Variants in AGPS observed in about 807,000 individuals in gnomAD.
AGPS encodes the protein alkyldihydroxyacetonephosphate synthase, peroxisomal.
Under a neutral mutation model 90.7 loss-of-function variants are expected in AGPS, and 26 were observed. The observed-to-expected ratio is 0.29, with a 90% confidence interval of 0.21 to 0.40. The LOEUF (loss-of-function observed/expected upper bound fraction) is 0.40. Ranked by LOEUF, AGPS falls within the 10% of genes least tolerant of loss-of-function variation. The probability of loss-of-function intolerance (pLI) is 1.00; values close to 1 mark genes in which losing one functional copy is unlikely to be tolerated. For missense variants in AGPS, 540 were observed against 816.1 expected, an observed-to-expected ratio of 0.66 and a Z score of 4.12; for synonymous variants, 294 against 285.3, an observed-to-expected ratio of 1.03 and a Z score of -0.31.
chr2:177,465,753 A>G (rs555523499), intron 9 of AGPS, among the ~76,000 whole-genome samples: 67 of 152,334 alleles, frequency 4.4e-4, no homozygotes, highest in African/African-American at 1.6e-3. Context: ...AGAGCCCCAA[A>G]GAGTGAGCCA....
intron 12 of AGPS, among the ~76,000 whole-genome samples, chr2:177,495,906 A>T (rs189296740): frequency 1.7e-5 from 2 of 114,664 alleles, no homozygotes; most frequent in Non-Finnish European, 3.5e-5. Context: ...TGACACAGTG[A>T]GACTCTGTCT....
chr2:177,515,692 T>C (rs1689004715), intron 17 of AGPS, among the ~76,000 whole-genome samples: 2 of 152,176 alleles, frequency 1.3e-5, no homozygotes, highest in African/African-American at 4.8e-5. Flanking sequence ...TAAGTAGAAT[T>C]AGTATATTTA....
intron 17 of AGPS, 58 bp from the exon 18 acceptor site, chr2:177,521,211 T>G (rs533701148): frequency 1.4e-6 from 2 of 1,406,406 alleles, no homozygotes; most frequent in Admixed American, 3.4e-5. Context: ...AGTTTCTAGA[T>G]GTTAAATCTG....
chr2:177,529,376 G>A (rs889944150), intron 19 of AGPS, among the ~76,000 whole-genome samples: 3 of 151,798 alleles, frequency 2.0e-5, no homozygotes, highest in Admixed American at 6.6e-5. Flanking sequence ...AAGCTGGGGC[G>A]GGAAGATGGC....
chr2:177,436,425 C>G (rs1219555041), intron 3 of AGPS, among the ~76,000 whole-genome samples: 1 of 152,124 alleles, frequency 6.6e-6, no homozygotes, highest in African/African-American at 2.4e-5. Flanking sequence ...GCTGGGATTA[C>G]AGGCGTGAGC....
rs773623763 is a variant in AGPS at position 177,392,831 on chromosome 2, C to A, written c.42C>A (p.Gly14=). The A allele has an allele frequency of 1.9e-6, 3 of 1,544,866 alleles. No homozygotes were observed. The highest frequency in any genetic ancestry group is 2.6e-6 in the Non-Finnish European group (3 of 1,152,498). ...CTGCAGCGGGTGGGACTGGCTTGGG[C>A]GCGGGCGCGAGCTACGGGTCTGCAG... is the stretch of plus-strand genomic sequence containing the variant. The part of the protein sequence containing the change: ...AAAAAGGTGL[G]AGASYGSAAD... Residue 14 remains glycine, a synonymous_variant, in exon 1 of 20, where the codon GGC becomes GGA. Coordinates refer to ENST00000264167, the MANE Select transcript of AGPS (RefSeq NM_003659.4).
At chr2:177,529,434 C>T (rs2079117796) in intron 19 of AGPS, among the ~76,000 whole-genome samples, 1 of 151,984 alleles carries the variant, frequency 6.6e-6, no homozygotes, top group South Asian at 2.1e-4. Context: ...CGCACCACTG[C>T]ACTCCAGCAT....
At chr2:177,523,195 C>G (rs1363214447) in intron 18 of AGPS, among the ~76,000 whole-genome samples, 1 of 152,120 alleles carries the variant, frequency 6.6e-6, no homozygotes, top group Admixed American at 6.6e-5. Context: ...AATAAAGACT[C>G]TAATAGCTTT....
At chr2:177,409,943 A>G (rs558083994) in intron 1 of AGPS, among the ~76,000 whole-genome samples, 1 of 152,352 alleles carries the variant, frequency 6.6e-6, no homozygotes, top group South Asian at 2.1e-4. Context: ...AGTTTTTAAA[A>G]GGCCTGGTCC....
chr2:177,415,597 T>C (rs1031779619), intron 1 of AGPS, among the ~76,000 whole-genome samples: 6 of 152,208 alleles, frequency 3.9e-5, no homozygotes, highest in Non-Finnish European at 7.4e-5. Flanking sequence ...GAAATTCTTG[T>C]TGAAGTTTAA....
chr2:177,499,924 A>G (rs949985885), intron 14 of AGPS, among the ~76,000 whole-genome samples, 194 bp downstream of exon 14: 1 of 151,922 alleles, frequency 6.6e-6, no homozygotes, highest in African/African-American at 2.4e-5. Context: ...TTTGGTTTAC[A>G]TCCAGAATTT....
intron 2 of AGPS, among the ~76,000 whole-genome samples, chr2:177,424,067 T>G (rs1351475561): frequency 1.3e-5 from 2 of 152,134 alleles, no homozygotes; most frequent in Non-Finnish European, 2.9e-5. Context: ...ATTAGGTTAT[T>G]AAGCCCACTA....
intron 8 of AGPS, among the ~76,000 whole-genome samples, chr2:177,459,859 T>C (rs1687235833): frequency 6.6e-6 from 1 of 152,224 alleles, no homozygotes; most frequent in African/African-American, 2.4e-5. Flanking sequence ...TAAAGACACA[T>C]GCACATGTAT....
chr2:177,421,051 G>A (rs1300867425), intron 2 of AGPS, among the ~76,000 whole-genome samples: 1 of 151,856 alleles, frequency 6.6e-6, no homozygotes. Context: ...AATTCTAAAG[G>A]ATATTTGTGT....
chr2:177,525,739 A>G (rs2079079745), intron 19 of AGPS, among the ~76,000 whole-genome samples: 2 of 152,212 alleles, frequency 1.3e-5, no homozygotes, highest in Admixed American at 6.5e-5. Context: ...GAAGTTGGAA[A>G]TGACCAAATG....
intron 8 of AGPS, among the ~76,000 whole-genome samples, chr2:177,456,387 G>A (rs930118754): frequency 1.3e-5 from 2 of 152,168 alleles, no homozygotes; most frequent in African/African-American, 4.8e-5. Context: ...TTTGCATATT[G>A]TGGTATACTG....
At chr2:177,511,335 C>T (rs372834918) in intron 16 of AGPS, among the ~76,000 whole-genome samples, 2 of 151,972 alleles carry the variant, frequency 1.3e-5, no homozygotes, top group Admixed American at 1.3e-4. Context: ...TGGGCTCAAG[C>T]GATCCTCCTG....
intron 8 of AGPS, among the ~76,000 whole-genome samples, chr2:177,455,715 T>A (rs1307937480): frequency 6.6e-6 from 1 of 152,108 alleles, no homozygotes; most frequent in Non-Finnish European, 1.5e-5. Flanking sequence ...TTCATCACAC[T>A]TCTAATTATT....
intron 17 of AGPS, among the ~76,000 whole-genome samples, chr2:177,518,911 C>T (rs1382782440): frequency 6.6e-6 from 1 of 151,862 alleles, no homozygotes; most frequent in African/African-American, 2.4e-5. Context: ...GTGATTGAGG[C>T]AAGGTGTGAA....
Sources: gnomAD v4.1 joint callset for allele counts (sites outside exome capture counted in the v4.1 genomes callset) on GRCh38, gnomAD v4.1.1 for gene constraint, MANE v1.5 for transcripts, NCBI Gene and HGNC (gene_info 2026-07-23, HGNC 2026-07-21) for gene names.